MARCHF11: variants seen among roughly 807,000 people sequenced by gnomAD.
MARCHF11 encodes the protein membrane associated ring-CH-type finger 11, also known as E3 ubiquitin-protein ligase MARCHF11.
A neutral mutation model predicts 37.3 loss-of-function variants in MARCHF11; 29 were observed. The ratio of observed to expected loss-of-function variants is 0.78; its 90% confidence interval spans 0.58 to 1.06. MARCHF11 has a LOEUF of 1.06. Among genes scored for constraint, MARCHF11 ranks in the 50% least tolerant of loss-of-function variants. The probability of loss-of-function intolerance (pLI) is 0.00; values close to 1 mark genes in which losing one functional copy is unlikely to be tolerated. For missense variants in MARCHF11, 482 were observed against 533.4 expected (o/e 0.90, Z 0.95); for synonymous variants, 233 against 228.0 (o/e 1.02, Z -0.20).
chr5:16,123,749 T>C (rs1737352915), intron 2 of MARCHF11, among the ~76,000 whole-genome samples: 4 of 152,068 alleles, frequency 2.6e-5, no homozygotes, highest in Admixed American at 2.6e-4. Context: ...CCGATCATCA[T>C]AATGTCAGTG....
chr5:16,096,192 G>T (rs1736865579), intron 2 of MARCHF11, among the ~76,000 whole-genome samples: 3 of 152,204 alleles, frequency 2.0e-5, no homozygotes, highest in Admixed American at 6.5e-5. Flanking sequence ...CTACTTGAAA[G>T]GTGGCTGTGG....
chr5:16,169,529 T>A (rs970493980), intron 2 of MARCHF11, among the ~76,000 whole-genome samples: 26 of 152,246 alleles, frequency 1.7e-4, no homozygotes, highest in African/African-American at 6.3e-4. Context: ...AAGAAATGTG[T>A]CCTCAATAAG....
intron 2 of MARCHF11, among the ~76,000 whole-genome samples, chr5:16,104,055 T>C (rs1041173635): frequency 2.6e-5 from 4 of 152,174 alleles, no homozygotes; most frequent in African/African-American, 9.7e-5. Context: ...CTTTGTGTCA[T>C]GGTAACTGCA....
chr5:16,137,490 C>T (rs550822674), intron 2 of MARCHF11, among the ~76,000 whole-genome samples: 1 of 152,162 alleles, frequency 6.6e-6, no homozygotes, highest in Non-Finnish European at 1.5e-5. Flanking sequence ...TTATAAATTA[C>T]TCAGTCAAGT....
chr5:16,092,744 T>G (rs965665787), intron 2 of MARCHF11, among the ~76,000 whole-genome samples: 1 of 152,112 alleles, frequency 6.6e-6, no homozygotes, highest in African/African-American at 2.4e-5. Context: ...AAAAGTAAAA[T>G]AAAATAAAAT....
At position 16,178,973 on chromosome 5, in the gene MARCHF11, G is replaced by T. The variant is rs371438187; in HGVS notation, c.537+66C>A. ...GAGGTAGGCGTGCGCTGTCCGTGGT[G>T]CTGAAAGCTTGACCGGCGCGAGCTG... On this transcript the variant is annotated intron_variant, in intron 1 of 3. Transcript: ENST00000332432. The T allele has an allele frequency of 4.8e-5, 65 of 1,362,254 alleles. No homozygotes were observed. The African/African-American group carries it at 8.9e-4, about 19-fold the overall frequency. The allele number at this position is 1,362,254 out of a possible 1,614,324, so 84.4% of individuals were successfully genotyped here.
At chr5:16,144,188 C>T (rs1398420434) in intron 2 of MARCHF11, among the ~76,000 whole-genome samples, 1 of 152,136 alleles carries the variant, frequency 6.6e-6, no homozygotes, top group Non-Finnish European at 1.5e-5. Flanking sequence ...TACACAGAAA[C>T]ACAGTAAGCA....
intron 2 of MARCHF11, among the ~76,000 whole-genome samples, chr5:16,175,423 T>C (rs745866823): frequency 7.2e-5 from 11 of 152,270 alleles, no homozygotes; most frequent in Non-Finnish European, 1.6e-4. Flanking sequence ...AGGATGGGAT[T>C]GAGAAGCACA....
At chr5:16,169,638 C>T (rs1483404596) in intron 2 of MARCHF11, among the ~76,000 whole-genome samples, 1 of 152,120 alleles carries the variant, frequency 6.6e-6, no homozygotes, top group Non-Finnish European at 1.5e-5. Flanking sequence ...ATCAAATTCA[C>T]TTGGCTAAAT....
intron 2 of MARCHF11, among the ~76,000 whole-genome samples, chr5:16,177,031 C>G (rs1560997110): frequency 2.0e-5 from 3 of 152,044 alleles, no homozygotes; most frequent in African/African-American, 7.2e-5. Flanking sequence ...AATTTTAGGC[C>G]TATTTTCCAG....
intron 2 of MARCHF11, among the ~76,000 whole-genome samples, chr5:16,116,545 G>T (rs1293886676): frequency 6.6e-6 from 1 of 152,026 alleles, no homozygotes; most frequent in Non-Finnish European, 1.5e-5. Context: ...TCTAAAAAAA[G>T]AAATGCTGTG....
At chr5:16,152,619 A>G (rs1240948255) in intron 2 of MARCHF11, among the ~76,000 whole-genome samples, 1 of 151,956 alleles carries the variant, frequency 6.6e-6, no homozygotes. Flanking sequence ...AAGACGTTTC[A>G]TCACTCCCTC....
At chr5:16,115,768 C>A (rs1450353302) in intron 2 of MARCHF11, among the ~76,000 whole-genome samples, 1 of 151,866 alleles carries the variant, frequency 6.6e-6, no homozygotes, top group Non-Finnish European at 1.5e-5. Context: ...GCTGGGATTA[C>A]AGGTACACGC....
At chr5:16,091,417 C>T (rs995557601) in intron 2 of MARCHF11, among the ~76,000 whole-genome samples, 1 of 152,188 alleles carries the variant, frequency 6.6e-6, no homozygotes, top group African/African-American at 2.4e-5. Context: ...ATTAAATACA[C>T]TCTGAACATA....
intron 2 of MARCHF11, among the ~76,000 whole-genome samples, chr5:16,151,875 G>A (rs749130394): frequency 4.8e-5 from 7 of 145,828 alleles, no homozygotes; most frequent in Non-Finnish European, 8.8e-5. Context: ...TGTTTTTGTT[G>A]TTGTTGTTTT....
At chr5:16,070,887 T>A (rs1395173887) in intron 3 of MARCHF11, among the ~76,000 whole-genome samples, 1 of 152,178 alleles carries the variant, frequency 6.6e-6, no homozygotes. Context: ...AAGCTCAGAT[T>A]TTACTGAAAT....
rs147625009 is a variant in MARCHF11 at position 16,079,291 on chromosome 5, C to G, written c.887-11498G>C. On this transcript the variant is annotated intron_variant, in intron 3 of 3. Coordinates refer to ENST00000332432, the MANE Select transcript of MARCHF11 (RefSeq NM_001102562.3). The stretch of plus-strand genomic sequence containing the variant: ...TCCCACTCACCCACCTTCTTAATCT[C>G]AATGCACCCACTTCCACCTCCTAAA... 2.8e-3 allele frequency among the ~76,000 whole-genome samples: 423 copies of G among 152,316 alleles called. 5 individuals are homozygous for G. The highest frequency in any genetic ancestry group is 9.2e-3 in the African/African-American group (381 of 41,576).
chr5:16,133,015 A>C (rs560879676), intron 2 of MARCHF11, among the ~76,000 whole-genome samples: 1 of 152,310 alleles, frequency 6.6e-6, no homozygotes, highest in African/African-American at 2.4e-5. Context: ...ATTTTAAAAA[A>C]GTTTATTTGA....
At chr5:16,169,967 T>A (rs1738231370) in intron 2 of MARCHF11, among the ~76,000 whole-genome samples, 1 of 152,094 alleles carries the variant, frequency 6.6e-6, no homozygotes, top group African/African-American at 2.4e-5. Context: ...CACAGCTACA[T>A]GCCAAGGCAA....
Sources: allele counts gnomAD v4.1 joint callset (sites outside exome capture counted in the v4.1 genomes callset), GRCh38; gene constraint gnomAD v4.1.1; transcripts MANE v1.5; gene names NCBI Gene and HGNC (gene_info 2026-07-23, HGNC 2026-07-21).